The following IQSEC1 variants were observed in gnomAD, a reference collection of about 807,000 sequenced individuals.
The protein encoded by IQSEC1 is IQ motif and Sec7 domain ArfGEF 1.
Under a neutral mutation model 91.0 loss-of-function variants are expected in IQSEC1, and 31 were observed. That is an observed-to-expected ratio of 0.34 (90% CI 0.26 to 0.46). The LOEUF (loss-of-function observed/expected upper bound fraction) is 0.46, where lower values mean the gene tolerates loss of function less well. Ranked by LOEUF, IQSEC1 falls within the 20% of genes least tolerant of loss-of-function variation. IQSEC1 has a pLI of 1.00. For missense variants in IQSEC1, 1,388 were observed against 1,575.6 expected (o/e 0.88, Z 2.02); for synonymous variants, 699 against 662.6 (o/e 1.05, Z -0.84).
chr3:12,986,846 G>C (rs1210197621), intron 1 of IQSEC1: 1 of 269,080 alleles, frequency 3.7e-6, no homozygotes, highest in East Asian at 1.4e-4. Flanking sequence ...CTTGCTGTGG[G>C]CTGTGGCATC....
intron 1 of IQSEC1, among the ~76,000 whole-genome samples, chr3:12,950,119 GC>G (rs1387734268): frequency 6.6e-6 from 1 of 152,212 alleles, no homozygotes; most frequent in Non-Finnish European, 1.5e-5. Context: ...CCTGCAACAA[GC>G]CTGTCAAGAA....
At position 13,193,155 on chromosome 3, in the gene IQSEC1, C is replaced by A. The variant is rs1694065590; in HGVS notation, c.273-29022G>T. Among the ~76,000 whole-genome samples the A allele has an allele frequency of 6.6e-6, 1 of 152,196 alleles. No individual in the cohort carries two copies. The highest frequency in any genetic ancestry group is 2.1e-4 in the South Asian group (1 of 4,834). On this transcript the variant is annotated intron_variant, in intron 1 of 15. Coordinates refer to the IQSEC1 transcript ENST00000648114. The surrounding 1 kb of genome is among the most constrained non-coding windows in gnomAD (Gnocchi z 4.2). ...CTACGAGCACAGGATGCCCACCTGC[C>A]CGGGGCTCACACACAGAGCCTGCCC...
At chr3:12,975,699 C>A (rs1701135414) in intron 1 of IQSEC1, among the ~76,000 whole-genome samples, 1 of 152,180 alleles carries the variant, frequency 6.6e-6, no homozygotes, top group African/African-American at 2.4e-5. Context: ...TTAAGCTTCA[C>A]AATGGAACTC....
intron 1 of IQSEC1, among the ~76,000 whole-genome samples, chr3:13,253,267 A>G (rs1324367975): frequency 6.6e-6 from 1 of 152,212 alleles, no homozygotes; most frequent in Non-Finnish European, 1.5e-5. Context: ...GTAACTTGCC[A>G]TAGGGTACAG....
intron 12 of IQSEC1, among the ~76,000 whole-genome samples, chr3:12,905,837 G>T (rs1170049704): frequency 6.6e-6 from 1 of 152,214 alleles, no homozygotes; most frequent in Non-Finnish European, 1.5e-5. Context: ...GGCCGCTGGG[G>T]GCCACTGGTC....
Position 13,277,137 on chromosome 3 carries a change from A to AAAC in IQSEC1, c.272+5573_272+5574insGTT, listed in dbSNP as rs60347391. Among the ~76,000 whole-genome samples the AAAC allele has an allele frequency of 4.9e-4, 58 of 118,384 alleles. 4 individuals are homozygous for AAAC. Among genetic ancestry groups the AAAC allele is most frequent in the African/African-American group, 2.0e-3 (55 of 27,464 alleles). The allele number at this position is 118,384 out of a possible 152,430, so 77.7% of individuals were successfully genotyped here. A position where few individuals can be genotyped will look rare whatever the true frequency, so the allele number is the denominator to read the frequency against. On this transcript the variant is annotated intron_variant, in intron 1 of 15. Transcript: ENST00000648114. The stretch of plus-strand genomic sequence containing the variant: ...AAAAAAAAAAAAAAAAAAAAAAAAA[A>AAAC]CAGAAAACAAGACACAAAAGACCGG...
chr3:13,108,668 G>A (rs1185347699), intron 2 of IQSEC1, among the ~76,000 whole-genome samples: 2 of 152,146 alleles, frequency 1.3e-5, no homozygotes, highest in African/African-American at 2.4e-5. Flanking sequence ...TGAGCTGAGT[G>A]GCTCCAGGGT....
intron 2 of IQSEC1, among the ~76,000 whole-genome samples, chr3:13,080,833 C>T (rs1280635994): frequency 6.6e-6 from 1 of 152,206 alleles, no homozygotes; most frequent in East Asian, 1.9e-4. Context: ...TCAGGCCCTG[C>T]CCTCCTCCCC....
chr3:13,236,148 A>C (rs922743841), intron 1 of IQSEC1, among the ~76,000 whole-genome samples: 2 of 152,068 alleles, frequency 1.3e-5, no homozygotes, highest in African/African-American at 4.8e-5. Flanking sequence ...CAGAAGTTCA[A>C]GGGCAAGAGA....
intron 1 of IQSEC1, among the ~76,000 whole-genome samples, chr3:13,278,695 T>C (rs1204045141): frequency 6.6e-6 from 1 of 152,188 alleles, no homozygotes; most frequent in Non-Finnish European, 1.5e-5. Context: ...GGTGCACGCC[T>C]GTAATCCCAG....
intron 1 of IQSEC1, among the ~76,000 whole-genome samples, chr3:13,258,298 A>G (rs947224805): frequency 2.0e-5 from 3 of 152,246 alleles, no homozygotes; most frequent in African/African-American, 7.2e-5. Context: ...CACTGTACTT[A>G]CTGCTCAATT....
intron 2 of IQSEC1, among the ~76,000 whole-genome samples, chr3:13,114,635 T>C (rs2124875113): frequency 6.6e-6 from 1 of 151,682 alleles, no homozygotes; most frequent in East Asian, 1.9e-4. Context: ...CTACTAAAAA[T>C]ACAAAAAATT....
intron 1 of IQSEC1, among the ~76,000 whole-genome samples, chr3:12,978,056 C>T (rs575128355): frequency 1.8e-4 from 27 of 152,214 alleles, no homozygotes; most frequent in Non-Finnish European, 2.6e-4. Flanking sequence ...TCAGGAAACT[C>T]GGTTGGGTAA....
intron 1 of IQSEC1, among the ~76,000 whole-genome samples, chr3:13,185,316 G>A (rs1011649004): frequency 6.6e-6 from 1 of 152,182 alleles, no homozygotes; most frequent in African/African-American, 2.4e-5. Context: ...TGCCTCCTCT[G>A]AGAAGTCTTT....
rs376879392 is a variant in IQSEC1, at chr3:12,967,744, C to T, written c.24-25879G>A. On this transcript the variant is annotated intron_variant, in intron 1 of 13. Transcript: ENST00000613206. This position sits in a 1 kb window ranked among gnomAD's most constrained non-coding sequence, Gnocchi z 5.9. ...TGGCCCTGAAGTGGGCGGGGCAGGG[C>T]GGGGGCGGGGCCGGAGGGCGAGCTG... The T allele has an allele frequency of 1.8e-5, 18 of 1,025,488 alleles. No homozygotes were observed. The highest frequency in any genetic ancestry group is 2.0e-5 in the Non-Finnish European group (17 of 851,132). The allele number at this position is 1,025,488 out of a possible 1,614,324, so 63.5% of individuals were successfully genotyped here.
chr3:12,958,684 C>T (rs934718245), intron 1 of IQSEC1, among the ~76,000 whole-genome samples: 2 of 152,214 alleles, frequency 1.3e-5, no homozygotes, highest in Non-Finnish European at 1.5e-5. Flanking sequence ...CTGGGGAGCA[C>T]GAGGGGTGCC....
chr3:12,953,213 C>A (rs1196713533), intron 1 of IQSEC1, among the ~76,000 whole-genome samples: 1 of 152,252 alleles, frequency 6.6e-6, no homozygotes, highest in Non-Finnish European at 1.5e-5. Context: ...TGTCTCCATG[C>A]CTCTTGGTCT....
At chr3:13,150,280 A>T (rs1181590402) in intron 2 of IQSEC1, among the ~76,000 whole-genome samples, 1 of 152,232 alleles carries the variant, frequency 6.6e-6, no homozygotes, top group African/African-American at 2.4e-5. Flanking sequence ...AAGATCAGAC[A>T]CCTGGGAAGT....
At position 12,924,817 on chromosome 3, in the gene IQSEC1, C is replaced by T; in HGVS notation, c.1569-75G>A. 7.2e-7 allele frequency: 1 copy of T among 1,392,232 alleles called. No homozygotes were observed. Among genetic ancestry groups the T allele is most frequent in the Non-Finnish European group, 9.7e-7 (1 of 1,029,788 alleles). The allele number at this position is 1,392,232 out of a possible 1,614,324, so 86.2% of individuals were successfully genotyped here. A position where few individuals can be genotyped will look rare whatever the true frequency, so the allele number is the denominator to read the frequency against. On this transcript the variant is annotated intron_variant, in intron 3 of 13. Transcript: ENST00000613206. The surrounding 1 kb of genome is among the most constrained non-coding windows in gnomAD (Gnocchi z 6.3). The stretch of plus-strand genomic sequence containing the variant: ...CAGGCACCTGGAGGGGATCTCCGCT[C>T]AGTGGACGGTCGACATTCTCCCTCC...
Sources: allele counts gnomAD v4.1 joint callset (sites outside exome capture counted in the v4.1 genomes callset), GRCh38; gene constraint gnomAD v4.1.1; non-coding constraint Gnocchi (gnomAD v3.1); transcripts MANE v1.5; gene names NCBI Gene and HGNC (gene_info 2026-07-23, HGNC 2026-07-21).